UGP2: variants seen among roughly 807,000 people sequenced by gnomAD.
UGP2 encodes the protein UTP--glucose-1-phosphate uridylyltransferase.
In UGP2, 40 loss-of-function variants were observed where a neutral mutation model predicts 49.0. The observed-to-expected ratio is 0.82, with a 90% confidence interval of 0.63 to 1.06. The LOEUF is 1.06. Among genes scored for constraint, UGP2 ranks in the 50% least tolerant of loss-of-function variants. UGP2 has a pLI of 0.00. For missense variants in UGP2, 460 were observed against 603.5 expected (o/e 0.76, Z 2.49); for synonymous variants, 225 against 213.0 (o/e 1.06, Z -0.49).
At chr2:63,880,986 C>T (rs1389421755) in intron 3 of UGP2, among the ~76,000 whole-genome samples, 1 of 152,116 alleles carries the variant, frequency 6.6e-6, no homozygotes, top group Non-Finnish European at 1.5e-5. Context: ...CAGCACTTAC[C>T]AGGAAGATTG....
intron 3 of UGP2, among the ~76,000 whole-genome samples, chr2:63,861,404 C>T (rs1176024551): frequency 4.6e-5 from 7 of 151,910 alleles, no homozygotes; most frequent in African/African-American, 1.2e-4. Context: ...AATTTAAAAC[C>T]TGTTGAAGTC....
chr2:63,865,443 G>A (rs1221511568), intron 3 of UGP2, among the ~76,000 whole-genome samples: 1 of 151,884 alleles, frequency 6.6e-6, no homozygotes, highest in Non-Finnish European at 1.5e-5. Flanking sequence ...TAATAGCTAT[G>A]AATGTGGTTC....
chr2:63,881,511 T>C (rs767137429), intron 3 of UGP2, among the ~76,000 whole-genome samples: 1 of 152,240 alleles, frequency 6.6e-6, no homozygotes, highest in Non-Finnish European at 1.5e-5. Context: ...TGAGGACCTA[T>C]TCCATTAAAG....
intron 1 of UGP2, among the ~76,000 whole-genome samples, chr2:63,852,766 A>G (rs575267012): frequency 6.6e-6 from 1 of 152,336 alleles, no homozygotes; most frequent in East Asian, 1.9e-4. Flanking sequence ...TCATTTAAGA[A>G]GTTTTGATAT....
intron 1 of UGP2, among the ~76,000 whole-genome samples, chr2:63,855,110 A>G (rs1327896540): frequency 6.6e-6 from 1 of 152,224 alleles, no homozygotes; most frequent in Non-Finnish European, 1.5e-5. Context: ...TCAAACAGCT[A>G]CTTTAGTTAC....
At chr2:63,890,265 T>C in intron 9 of UGP2, 80 bp downstream of exon 9, 1 of 1,052,030 alleles carries the variant, frequency 9.5e-7, no homozygotes, top group Non-Finnish European at 1.4e-6. Context: ...TTACATTTAC[T>C]TTAAGGAATA....
chr2:63,881,262 C>T (rs1362313897), intron 3 of UGP2, among the ~76,000 whole-genome samples: 2 of 151,936 alleles, frequency 1.3e-5, no homozygotes, highest in Non-Finnish European at 2.9e-5. Context: ...GTTCATCTGA[C>T]CAAGCATAAA....
At chr2:63,880,165 T>G (rs1186160409) in intron 3 of UGP2, among the ~76,000 whole-genome samples, 2 of 40,922 alleles carry the variant, frequency 4.9e-5, no homozygotes, top group East Asian at 8.3e-4. Context: ...CCCTTCCCCC[T>G]TCCCCCTACC....
At chr2:63,854,826 A>G (rs1402292036) in intron 1 of UGP2, 1 of 152,276 alleles carries the variant, frequency 6.6e-6, no homozygotes, top group Non-Finnish European at 1.5e-5. Flanking sequence ...AACAAAAGAA[A>G]GAAACAAAGG....
Position 63,891,110 on chromosome 2 carries a change from T to G in UGP2, c.1420-10T>G. 1 of 1,609,262 alleles carries G rather than the reference T, an allele frequency of 6.2e-7. No individual in the cohort carries two copies. Among genetic ancestry groups the G allele is most frequent in the Non-Finnish European group, 8.5e-7 (1 of 1,176,938 alleles). On this transcript the variant is annotated splice_polypyrimidine_tract_variant and intron_variant, in intron 9 of 9. Transcript: ENST00000337130. Reference sequence around the variant, plus strand: ...TGCAAGTACACTCTTTTGTTTTCCCTGTCACTTAGGGAACGGTTATCATCA... The same window carrying G: ...TGCAAGTACACTCTTTTGTTTTCCCGGTCACTTAGGGAACGGTTATCATCA...
chr2:63,842,335 A>T, intron 1 of UGP2, 131 bp downstream of exon 1: 2 of 1,604,062 alleles, frequency 1.2e-6, no homozygotes, highest in Non-Finnish European at 1.7e-6. Flanking sequence ...CTTTTCGTTG[A>T]ATTGTCATCT....
At chr2:63,886,665 C>A in intron 7 of UGP2, 127 bp downstream of exon 7, 1 of 1,029,348 alleles carries the variant, frequency 9.7e-7, no homozygotes, top group Non-Finnish European at 1.4e-6. Flanking sequence ...CCTTTTCAGA[C>A]TCTAGTTCCT....
intron 3 of UGP2, among the ~76,000 whole-genome samples, chr2:63,876,715 C>T (rs1670929533): frequency 6.6e-6 from 1 of 152,240 alleles, no homozygotes; most frequent in African/African-American, 2.4e-5. Context: ...TACAACACAT[C>T]ACAGAGAAAT....
chr2:63,875,561 T>C lies in UGP2; in HGVS notation c.256-6905T>C, dbSNP rs1418747952. On this transcript the variant is annotated intron_variant, in intron 3 of 9. Coordinates refer to ENST00000337130, the MANE Select transcript of UGP2 (RefSeq NM_006759.4). ...TTTTAAAAAGATCTTTTTAAAAATC[T>C]CATTCCACTTTCTGCAGAAAAACTA... 2.0e-5 allele frequency among the ~76,000 whole-genome samples: 3 copies of C among 152,228 alleles called. 1 individual carries two copies. Among genetic ancestry groups the C allele is most frequent in the Non-Finnish European group, 4.4e-5 (3 of 68,048 alleles).
Position 63,885,895 on chromosome 2 carries a change from C to T in UGP2, c.873+9C>T, listed in dbSNP as rs1267639803. The T allele has an allele frequency of 3.2e-6, 5 of 1,542,408 alleles. No individual in the cohort carries two copies. Among genetic ancestry groups the T allele is most frequent in the East Asian group, 2.3e-5 (1 of 43,360 alleles). Reference sequence around the variant, plus strand: ...CACGTGCAGATGTAAAGGTAAATACCGAGAGGAAGCAGTTTAGGGCTTCAT... The same window carrying T: ...CACGTGCAGATGTAAAGGTAAATACTGAGAGGAAGCAGTTTAGGGCTTCAT... On this transcript the variant is annotated intron_variant, in intron 6 of 9. Transcript: ENST00000337130.
rs540723647 is a variant in UGP2, at chr2:63,850,477, A to G, written c.20-5829A>G. Among the ~76,000 whole-genome samples, 13 of 152,334 alleles carry G rather than the reference A, an allele frequency of 8.5e-5. No homozygotes were observed. In the South Asian group the frequency reaches 2.7e-3, roughly 32 times the overall value. ...TTGAATTTACTTTTCTTAATTTATC[A>G]TTGAATGACATGGAATATTTTTTCT... is the stretch of plus-strand genomic sequence containing the variant. On this transcript the variant is annotated intron_variant, in intron 1 of 9. Coordinates refer to ENST00000337130, the MANE Select transcript of UGP2 (RefSeq NM_006759.4).
In UGP2 at chr2:63,842,178, C is replaced by T. The variant is rs747201039; in HGVS notation, c.-8C>T. On this transcript the variant is annotated 5_prime_UTR_variant, in exon 1 of 10. Coordinates refer to ENST00000337130, the MANE Select transcript of UGP2 (RefSeq NM_006759.4). ...AAAAAAGCCGGAGTATTTTACTAAG[C>T]CCCTAAAATGTCGAGATTTGTACAA... The T allele has an allele frequency of 1.3e-6, 2 of 1,589,332 alleles. No individual in the cohort carries two copies. Among genetic ancestry groups the T allele is most frequent in the South Asian group, 2.3e-5 (2 of 86,194 alleles).
intron 9 of UGP2, 60 bp from the exon 10 acceptor site, chr2:63,891,059 GT>G: frequency 7.0e-7 from 1 of 1,431,892 alleles, no homozygotes; most frequent in Non-Finnish European, 9.7e-7. Flanking sequence ...CTTGATCACT[GT>G]AAGATAATCA....
intron 3 of UGP2, among the ~76,000 whole-genome samples, chr2:63,861,021 CTT>C (rs766034806): frequency 2.7e-4 from 41 of 151,952 alleles, no homozygotes; most frequent in East Asian, 7.7e-4. Context: ...TGTGAGAAGT[CTT>C]TTGAGTTCAT....
Sources: gnomAD v4.1 joint callset for allele counts (sites outside exome capture counted in the v4.1 genomes callset) on GRCh38, gnomAD v4.1.1 for gene constraint, MANE v1.5 for transcripts, NCBI Gene and HGNC (gene_info 2026-07-23, HGNC 2026-07-21) for gene names.